SMAD5: variants seen among roughly 807,000 people sequenced by gnomAD.
SMAD5 encodes the protein SMAD family member 5.
A neutral mutation model predicts 43.1 loss-of-function variants in SMAD5; 9 were observed. That is an observed-to-expected ratio of 0.21 (90% CI 0.13 to 0.36). The LOEUF is 0.36. Ranked by LOEUF, SMAD5 falls within the 10% of genes least tolerant of loss-of-function variation. The pLI is 1.00. For missense variants in SMAD5, 348 were observed against 574.0 expected, an observed-to-expected ratio of 0.61 and a Z score of 4.02; for synonymous variants, 190 against 192.4, an observed-to-expected ratio of 0.99 and a Z score of 0.10.
At chr5:136,137,277 C>A (rs1752918687) in intron 1 of SMAD5, among the ~76,000 whole-genome samples, 1 of 149,756 alleles carries the variant, frequency 6.7e-6, no homozygotes, top group South Asian at 2.1e-4. Context: ...GGGACCCCCC[C>A]CCGCATCTCT....
chr5:136,134,056 TTGC>T (rs1752787687), intron 1 of SMAD5: 4 of 30,474 alleles, frequency 1.3e-4, no homozygotes, highest in South Asian at 3.8e-3. Context: ...GGGGGGGGTG[TTGC>T]GGGGGGAGGG....
rs144493638 is a variant in SMAD5 at position 136,144,325 on chromosome 5, G to A, written c.-244-3507G>A. 1.8e-4 allele frequency among the ~76,000 whole-genome samples: 27 copies of A among 152,058 alleles called. No homozygotes were observed. The East Asian group carries it at 5.0e-3, about 28-fold the overall frequency. ...TTCTGAATTACTGTAACAAGACTTG[G>A]CTTTTAAAGAAAAGGCTGTTTGACA... is the stretch of plus-strand genomic sequence containing the variant. On this transcript the variant is annotated intron_variant, in intron 1 of 7. Transcript: ENST00000545279.
chr5:136,168,130 C>T (rs1487761071), intron 5 of SMAD5, among the ~76,000 whole-genome samples: 2 of 152,072 alleles, frequency 1.3e-5, no homozygotes, highest in Non-Finnish European at 2.9e-5. Context: ...TGTGAGCCAC[C>T]GCACCCAGCC....
chr5:136,142,557 A>G (rs1753120982), intron 1 of SMAD5, among the ~76,000 whole-genome samples: 1 of 152,110 alleles, frequency 6.6e-6, no homozygotes, highest in South Asian at 2.1e-4. Flanking sequence ...CTTTGAGGTC[A>G]TTTCTCTAAG....
At chr5:136,173,493 C>T (rs955056305) in intron 6 of SMAD5, among the ~76,000 whole-genome samples, 2 of 152,008 alleles carry the variant, frequency 1.3e-5, no homozygotes, top group East Asian at 3.8e-4. Context: ...AAATAAGTTA[C>T]GAAACAAAGT....
intron 7 of SMAD5, among the ~76,000 whole-genome samples, chr5:136,176,784 T>G (rs1754437330): frequency 6.6e-6 from 1 of 152,038 alleles, no homozygotes; most frequent in African/African-American, 2.4e-5. Context: ...CAGTTAAAAT[T>G]TTTCCTTTAA....
intron 3 of SMAD5, among the ~76,000 whole-genome samples, chr5:136,155,104 C>G (rs1753593202): frequency 6.6e-6 from 1 of 152,152 alleles, no homozygotes; most frequent in African/African-American, 2.4e-5. Flanking sequence ...CAACTTCTCC[C>G]TTGAGTTTTA....
chr5:136,165,863 G>A (rs184811494), intron 5 of SMAD5, among the ~76,000 whole-genome samples: 131 of 151,508 alleles, frequency 8.6e-4, no homozygotes, highest in African/African-American at 2.8e-3. Flanking sequence ...TTTGGCTATT[G>A]TGAATAATAC....
intron 5 of SMAD5, 106 bp downstream of exon 5, chr5:136,163,497 A>C (rs1224514201): frequency 4.2e-6 from 4 of 952,880 alleles, no homozygotes; most frequent in Non-Finnish European, 5.8e-6. Flanking sequence ...TATGCTATAA[A>C]ATTTTTTTGT....
At position 136,177,638 on chromosome 5, in the gene SMAD5, T is replaced by G. The variant is rs1479317015; in HGVS notation, c.*158T>G. On this transcript the variant is annotated 3_prime_UTR_variant, in exon 8 of 8. Coordinates refer to ENST00000545279, the MANE Select transcript of SMAD5 (RefSeq NM_005903.7). ...ATACATTTGTATTTTGTGATGAATC[T>G]ACATTTGTTTGTATTCATGTTCATG... 2 of 590,704 alleles carry G rather than the reference T, an allele frequency of 3.4e-6. No homozygotes were observed. The highest frequency in any genetic ancestry group is 3.7e-5 in the African/African-American group (2 of 53,374). The allele number at this position is 590,704 out of a possible 1,614,324, so 36.6% of individuals were successfully genotyped here. A position where few individuals can be genotyped will look rare whatever the true frequency, so the allele number is the denominator to read the frequency against.
In SMAD5 at chr5:136,163,337, A is replaced by T; in HGVS notation, c.721A>T (p.Met241Leu). The change falls in exon 5 of 8, where the codon ATG (methionine) becomes TTG (leucine). Residue 241 changes from methionine (M) to leucine (L), a missense_variant. Transcript: ENST00000545279. ...DQMGQDNSQP[M>L]DTSNNMIPQI... is the part of the protein sequence containing the mutation. ...GATGGGTCAAGATAATTCCCAGCCT[A>T]TGGATACAAGCAATAATATGATTCC... 1 of 1,611,732 alleles carries T rather than the reference A, an allele frequency of 6.2e-7. No homozygotes were observed. The highest frequency in any genetic ancestry group is 8.5e-7 in the Non-Finnish European group (1 of 1,178,132).
chr5:136,172,277 G>A (rs182161889), intron 5 of SMAD5, among the ~76,000 whole-genome samples, 157 bp from the exon 6 acceptor site: 26 of 152,174 alleles, frequency 1.7e-4, no homozygotes, highest in African/African-American at 5.5e-4. Flanking sequence ...GCTTGTTTTC[G>A]GATATAGATT....
Position 136,179,483 on chromosome 5 carries a change from T to A in SMAD5, c.*2003T>A, listed in dbSNP as rs984822348. ...CTCTTGTGAAGAAAAAAAAAAGCAT[T>A]TTCGAGGAAAGAATTATGCAATTTC... is the stretch of plus-strand genomic sequence containing the variant. On this transcript the variant is annotated 3_prime_UTR_variant, in exon 8 of 8. Transcript: ENST00000545279. 5 of 152,620 alleles carry A rather than the reference T, an allele frequency of 3.3e-5. No individual in the cohort carries two copies. The highest frequency in any genetic ancestry group is 1.2e-4 in the African/African-American group (5 of 41,458). 9.5% of individuals were successfully genotyped at this position (152,620 alleles called of 1,614,324 possible).
chr5:136,154,230 G>A (rs1304161608), intron 3 of SMAD5, 67 bp downstream of exon 3: 16 of 945,610 alleles, frequency 1.7e-5, no homozygotes, highest in South Asian at 2.3e-5. Context: ...TGATATGCAT[G>A]TAACTAGATT....
chr5:136,153,342 T>A (rs1273217517), intron 2 of SMAD5, among the ~76,000 whole-genome samples: 1 of 152,122 alleles, frequency 6.6e-6, no homozygotes, highest in Non-Finnish European at 1.5e-5. Flanking sequence ...TTTTGGATAA[T>A]ACATAGGAGG....
At chr5:136,143,160 G>C (rs193184092) in intron 1 of SMAD5, among the ~76,000 whole-genome samples, 22 of 151,876 alleles carry the variant, frequency 1.4e-4, no homozygotes, top group Admixed American at 1.1e-3. Context: ...CCTTGTTTTG[G>C]CCATAACTAG....
chr5:136,167,214 T>A (rs1021855845), intron 5 of SMAD5, among the ~76,000 whole-genome samples: 2 of 152,152 alleles, frequency 1.3e-5, no homozygotes, highest in African/African-American at 4.8e-5. Context: ...AGCTCTAATC[T>A]TCCTGATGTT....
At chr5:136,176,880 A>G (rs1275634552) in intron 7 of SMAD5, among the ~76,000 whole-genome samples, 2 of 152,166 alleles carry the variant, frequency 1.3e-5, no homozygotes, top group Non-Finnish European at 2.9e-5. Flanking sequence ...ATGTAAATAC[A>G]CTGTTTCTCC....
At chr5:136,133,411 A>G (rs377595229) in intron 1 of SMAD5, 7 of 152,650 alleles carry the variant, frequency 4.6e-5, no homozygotes, top group African/African-American at 1.7e-4. Context: ...AAGCTGTCCA[A>G]TGGCTTGATG....
Sources: allele counts gnomAD v4.1 joint callset (sites outside exome capture counted in the v4.1 genomes callset), GRCh38; gene constraint gnomAD v4.1.1; transcripts MANE v1.5; gene names NCBI Gene and HGNC (gene_info 2026-07-23, HGNC 2026-07-21).